Variants in CELF2 observed in about 807,000 individuals in gnomAD.
The protein encoded by CELF2 is CUG triplet repeat RNA-binding protein 2.
In CELF2, 8 loss-of-function variants were observed where a neutral mutation model predicts 62.6. The observed-to-expected ratio is 0.13, with a 90% CI of 0.07 to 0.23. The LOEUF is 0.23. Among genes scored for constraint, CELF2 ranks in the 10% least tolerant of loss-of-function variants. CELF2 has a pLI of 1.00. For synonymous variants in CELF2, 258 were observed against 250.0 expected (o/e 1.03, Z -0.30); for missense variants, 333 against 671.0 (o/e 0.50, Z 5.56).
At position 11,243,296 on chromosome 10, in the gene CELF2, G is replaced by A. The variant is rs1477212397; in HGVS notation, c.355-5857G>A. Among the ~76,000 whole-genome samples, 2 of 150,738 alleles carry A rather than the reference G, an allele frequency of 1.3e-5. No homozygotes were observed. The highest frequency in any genetic ancestry group is 1.5e-5 in the Non-Finnish European group (1 of 67,840). On this transcript the variant is annotated intron_variant, in intron 3 of 12. Coordinates refer to ENST00000633077, the MANE Select transcript of CELF2 (RefSeq NM_001326342.2). This position sits in a 1 kb window ranked among gnomAD's most constrained non-coding sequence, Gnocchi z 4.1. ...TTTCACTGGTTTTTAAACAAATAGGGCTAAATAGAGACCAAGAAGTTAACC... is the reference window on the plus strand; with the variant it reads ...TTTCACTGGTTTTTAAACAAATAGGACTAAATAGAGACCAAGAAGTTAACC...
At chr10:10,633,342 G>T in the CELF2 span, among the ~76,000 whole-genome samples, 1 of 152,094 alleles carries the variant, frequency 6.6e-6, no homozygotes, top group East Asian at 1.9e-4. Flanking sequence ...CATCAACACT[G>T]CTTACAGGCT....
chr10:11,286,756 G>A (rs1232970573), intron 8 of CELF2, among the ~76,000 whole-genome samples: 1 of 152,190 alleles, frequency 6.6e-6, no homozygotes, highest in African/African-American at 2.4e-5. Context: ...GTTGCCAGAA[G>A]TCTGCCCTTT....
chr10:10,487,343 A>G, the CELF2 span, among the ~76,000 whole-genome samples: 1 of 152,146 alleles, frequency 6.6e-6, no homozygotes, highest in Non-Finnish European at 1.5e-5. Flanking sequence ...TTTACAATCA[A>G]AAGCTTCCCT....
At chr10:11,059,734 C>T (rs1282980983) in intron 1 of CELF2, among the ~76,000 whole-genome samples, 1 of 152,150 alleles carries the variant, frequency 6.6e-6, no homozygotes, top group South Asian at 2.1e-4. Context: ...AGCGCAGCCT[C>T]AGGCACTGGA....
intron 2 of CELF2, among the ~76,000 whole-genome samples, chr10:11,181,815 C>G (rs372267287): frequency 4.0e-4 from 61 of 152,322 alleles, no homozygotes; most frequent in African/African-American, 1.2e-3. Flanking sequence ...AAGAACATTT[C>G]CTGATGGAGA....
chr10:10,770,368 G>A, the CELF2 span, among the ~76,000 whole-genome samples: 2 of 151,964 alleles, frequency 1.3e-5, no homozygotes, highest in African/African-American at 4.8e-5. Flanking sequence ...CCAGCAAGCA[G>A]GAGGGGAGAA....
chr10:10,766,630 G>A, the CELF2 span, among the ~76,000 whole-genome samples: 2 of 152,318 alleles, frequency 1.3e-5, no homozygotes, highest in African/African-American at 4.8e-5. Context: ...GAGCCTTGGG[G>A]AGAGGGAGCC....
the CELF2 span, among the ~76,000 whole-genome samples, chr10:10,756,401 T>G: frequency 1.3e-5 from 2 of 152,200 alleles, no homozygotes; most frequent in East Asian, 3.8e-4. Context: ...TGAGATAGAG[T>G]TGGGATTTTT....
At chr10:10,687,481 G>A in the CELF2 span, among the ~76,000 whole-genome samples, 1 of 152,100 alleles carries the variant, frequency 6.6e-6, no homozygotes, top group African/African-American at 2.4e-5. Context: ...GAGAACACAA[G>A]CCTTTGAAAA....
chr10:10,479,819 G>A, the CELF2 span, among the ~76,000 whole-genome samples: 40 of 152,300 alleles, frequency 2.6e-4, no homozygotes, highest in African/African-American at 9.6e-4. Flanking sequence ...TTGCAATCCT[G>A]AAATGTCATG....
chr10:10,563,974 A>C, the CELF2 span, among the ~76,000 whole-genome samples: 3 of 152,178 alleles, frequency 2.0e-5, no homozygotes, highest in Non-Finnish European at 4.4e-5. Context: ...GTGTGGCTCA[A>C]AGTTTGAGGC....
intron 1 of CELF2, among the ~76,000 whole-genome samples, chr10:11,043,505 G>A (rs772221787): frequency 1.4e-4 from 21 of 152,142 alleles, no homozygotes; most frequent in Middle Eastern, 6.8e-3. Flanking sequence ...TGAATATCCC[G>A]CTCCTGGCTG....
the CELF2 span, among the ~76,000 whole-genome samples, chr10:10,759,286 G>GTTT: frequency 6.8e-6 from 1 of 146,242 alleles, no homozygotes; most frequent in Non-Finnish European, 1.5e-5. Context: ...GAAACTCAGT[G>GTTT]CCCATTTTTC....
At position 11,012,138 on chromosome 10, in the gene CELF2, C is replaced by T. The variant is rs2056566070; in HGVS notation, c.53+6698C>T. Reference sequence around the variant, plus strand: ...ATGACTCATTCCCATTGTCAATCAACTCTTTGACAGAATGAAATGCTGAAT... The same window carrying T: ...ATGACTCATTCCCATTGTCAATCAATTCTTTGACAGAATGAAATGCTGAAT... On this transcript the variant is annotated intron_variant, in intron 1 of 12. Coordinates refer to the CELF2 transcript ENST00000416382. The surrounding 1 kb of genome is among the most constrained non-coding windows in gnomAD (Gnocchi z 5.5). 6.6e-6 allele frequency among the ~76,000 whole-genome samples: 1 copy of T among 152,182 alleles called. No individual in the cohort carries two copies. Among genetic ancestry groups the T allele is most frequent in the Admixed American group, 6.5e-5 (1 of 15,278 alleles).
chr10:11,168,446 GC>G (rs999673263), intron 2 of CELF2, among the ~76,000 whole-genome samples: 13 of 152,296 alleles, frequency 8.5e-5, no homozygotes, highest in African/African-American at 1.2e-4. Flanking sequence ...GAGAGCAACA[GC>G]CCCCACTTTA....
At chr10:10,915,790 A>G (rs959366956) in intron 1 of CELF2, among the ~76,000 whole-genome samples, 7 of 152,206 alleles carry the variant, frequency 4.6e-5, no homozygotes, top group African/African-American at 1.4e-4. Flanking sequence ...TTGGTGCCTT[A>G]TACAGTTTCT....
chr10:10,998,190 C>A lies in CELF2; in HGVS notation c.89+78191C>A, dbSNP rs186095689. On this transcript the variant is annotated intron_variant, in intron 2 of 13. Transcript: ENST00000636488. The stretch of plus-strand genomic sequence containing the variant: ...CCTGTCTCAGGTATGTCTTCATTAG[C>A]AGCGTGAGAACAGGCTAATACAATG... Among the ~76,000 whole-genome samples the A allele has an allele frequency of 2.4e-3, 370 of 152,316 alleles. 1 individual carries two copies. Among genetic ancestry groups the A allele is most frequent in the Non-Finnish European group, 4.1e-3 (280 of 68,022 alleles).
chr10:10,621,960 A>G, the CELF2 span, among the ~76,000 whole-genome samples: 2 of 152,204 alleles, frequency 1.3e-5, no homozygotes, highest in South Asian at 2.1e-4. Context: ...CCTAAATTCT[A>G]AAAGGAGTTT....
the CELF2 span, among the ~76,000 whole-genome samples, chr10:10,780,583 C>T: frequency 1.3e-5 from 2 of 152,078 alleles, no homozygotes; most frequent in Non-Finnish European, 1.5e-5. Context: ...TGGGTTCAAG[C>T]GATTCTCCTG....
Sources: gnomAD v4.1 joint callset for allele counts (sites outside exome capture counted in the v4.1 genomes callset) on GRCh38, gnomAD v4.1.1 for gene constraint, Gnocchi (gnomAD v3.1) non-coding constraint, MANE v1.5 for transcripts, NCBI Gene and HGNC (gene_info 2026-07-23, HGNC 2026-07-21) for gene names.